Variants in SEMA3G observed in about 807,000 individuals in gnomAD.
The protein encoded by SEMA3G is semaphorin 3G.
Under a neutral mutation model 86.2 loss-of-function variants are expected in SEMA3G, and 70 were observed. The ratio of observed to expected loss-of-function variants is 0.81; its 90% CI spans 0.67 to 0.99. The LOEUF (loss-of-function observed/expected upper bound fraction) is 0.99. Among genes scored for constraint, SEMA3G ranks in the 50% least tolerant of loss-of-function variants. SEMA3G has a pLI of 0.00. For synonymous variants in SEMA3G, 416 were observed against 441.4 expected (o/e 0.94, Z 0.72); for missense variants, 1,002 against 1,072.4 (o/e 0.93, Z 0.92).
Position 52,439,972 on chromosome 3 carries a change from G to T in SEMA3G, c.1270C>A (p.Arg424Ser). The T allele has an allele frequency of 6.2e-7, 1 of 1,613,748 alleles. No individual in the cohort carries two copies. The highest frequency in any genetic ancestry group is 8.5e-7 in the Non-Finnish European group (1 of 1,179,982). The change falls in exon 11 of 16, where the codon CGC becomes AGC. Residue 424 changes from arginine to serine, a missense_variant. By Grantham distance (110) the Arg-to-Ser change is moderately radical (BLOSUM62 -1). Transcript: ENST00000231721. ...AGGTGGGTCTTGACAAGGACAGGGC[G>T]GCCATGTCGAGGCCGCACAGGCCAG... ...MFWPVRPRHG[R>S]PVLVKTHLAQ...
At position 52,442,608 on chromosome 3, in the gene SEMA3G, G is replaced by A. The variant is rs765912415; in HGVS notation, c.290C>T (p.Pro97Leu). 1.5e-5 allele frequency: 25 copies of A among 1,613,968 alleles called. No homozygotes were observed. Among genetic ancestry groups the A allele is most frequent in the South Asian group, 2.2e-5 (2 of 91,082 alleles). The change falls in exon 3 of 16, where the codon CCG (proline) becomes CTG (leucine). Residue 97 changes from proline (P) to leucine (L), a missense_variant. Coordinates refer to ENST00000231721, the MANE Select transcript of SEMA3G (RefSeq NM_020163.3). This position sits in a 1 kb window ranked among gnomAD's most constrained non-coding sequence, Gnocchi z 6.1. ...WPDPREVLWPPQPGQREECVR... is the reference protein window; with the variant it reads ...WPDPREVLWPLQPGQREECVR... The stretch of plus-strand genomic sequence containing the variant: ...ACACTCCTCCCTCTGTCCTGGCTGC[G>A]GTGGCCACAGGACCTGGAACACAGC...
At chr3:52,443,214 A>C (rs1706194010) in intron 1 of SEMA3G, 1 of 496,212 alleles carries the variant, frequency 2.0e-6, no homozygotes, top group Non-Finnish European at 3.6e-6. Flanking sequence ...CCCAGTCCCC[A>C]GGGAAGAAGG....
chr3:52,438,809 T>C lies in SEMA3G; in HGVS notation c.1509+111A>G, dbSNP rs1326044764. The C allele has an allele frequency of 6.8e-5, 105 of 1,536,970 alleles. 1 individual carries two copies. Among genetic ancestry groups the C allele is most frequent in the Non-Finnish European group, 7.4e-5 (84 of 1,140,062 alleles). On this transcript the variant is annotated intron_variant, in intron 13 of 15. Transcript: ENST00000231721. ...CGAATCAGGCCTGCCTCAGCACAGC[T>C]TTCCCCAGACTACAGTGGAGCTCGA...
chr3:52,435,892 G>T lies in SEMA3G; in HGVS notation c.2060C>A (p.Pro687Gln), dbSNP rs370282481. ...SQLDNLFPPE[P>Q]KPEEPPARGG... Reference sequence around the variant, plus strand: ...CCGGGCTGGGGGCTCCTCTGGCTTTGGCTCCGGAGGGAACAGGTTGTCCAG... The same window carrying T: ...CCGGGCTGGGGGCTCCTCTGGCTTTTGCTCCGGAGGGAACAGGTTGTCCAG... The change falls in exon 16 of 16, where the codon CCA becomes CAA. Residue 687 changes from proline to glutamine, a missense_variant. Transcript: ENST00000231721. The T allele has an allele frequency of 1.1e-5, 17 of 1,613,964 alleles. No individual in the cohort carries two copies. The highest frequency in any genetic ancestry group is 4.0e-5 in the African/African-American group (3 of 74,934).
intron 7 of SEMA3G, 25 bp downstream of exon 7, chr3:52,441,239 C>G: frequency 6.2e-7 from 1 of 1,608,074 alleles, no homozygotes; most frequent in Admixed American, 1.7e-5. Flanking sequence ...GGACTTGAAC[C>G]TCACCACCCC....
intron 15 of SEMA3G, among the ~76,000 whole-genome samples, chr3:52,437,239 T>C (rs1706062535): frequency 6.6e-6 from 1 of 152,162 alleles, no homozygotes. Context: ...AGATGAGCCA[T>C]GTGTGTAAAC....
At chr3:52,440,228 C>T (rs1706125185) in intron 10 of SEMA3G, 130 bp from the exon 11 acceptor site, 2 of 1,072,672 alleles carry the variant, frequency 1.9e-6, no homozygotes, top group Non-Finnish European at 2.6e-6. Context: ...CCACTACACC[C>T]ACCCCACCCC....
chr3:52,442,405 G>A lies in SEMA3G; in HGVS notation c.340-101C>T. 3 of 530,082 alleles carry A rather than the reference G, an allele frequency of 5.7e-6. No homozygotes were observed. Among genetic ancestry groups the A allele is most frequent in the South Asian group, 1.5e-5 (1 of 65,284 alleles). The allele number at this position is 530,082 out of a possible 1,614,324, so 32.8% of individuals were successfully genotyped here. ...CTGTCTGGCGGTCAGCTCTGGGGAG[G>A]GGGGTGGGTGTGACATTCCCAGCAG... On this transcript the variant is annotated intron_variant, in intron 3 of 15. Coordinates refer to ENST00000231721, the MANE Select transcript of SEMA3G (RefSeq NM_020163.3). The surrounding 1 kb of genome is among the most constrained non-coding windows in gnomAD (Gnocchi z 6.1).
Position 52,441,046 on chromosome 3 carries a change from A to G in SEMA3G, c.816T>C (p.Asn272=). ...TVSRVGRVCV[N]DAGGQRVLVN... is the part of the protein sequence containing the mutation. ...CCAGCACCCGCTGGCCCCCAGCATCATTCTGCAGGATAAGGGGCCAGAGTC... is the reference window on the plus strand; with the variant it reads ...CCAGCACCCGCTGGCCCCCAGCATCGTTCTGCAGGATAAGGGGCCAGAGTC... The change falls in exon 8 of 16, where the codon AAT becomes AAC. Residue 272 remains asparagine (N), a splice_region_variant and synonymous_variant. Coordinates refer to ENST00000231721, the MANE Select transcript of SEMA3G (RefSeq NM_020163.3). 1.3e-6 allele frequency: 2 copies of G among 1,592,534 alleles called. No individual in the cohort carries two copies. Among genetic ancestry groups the G allele is most frequent in the Non-Finnish European group, 8.5e-7 (1 of 1,175,092 alleles).
intron 1 of SEMA3G, among the ~76,000 whole-genome samples, chr3:52,443,759 A>G (rs1706205936): frequency 6.6e-6 from 1 of 152,198 alleles, no homozygotes; most frequent in Non-Finnish European, 1.5e-5. Context: ...TTTTTCTAGC[A>G]GTCTGACCTC....
rs1017746252 is a variant in SEMA3G, at chr3:52,442,319, A to T, written c.340-15T>A. On this transcript the variant is annotated splice_polypyrimidine_tract_variant and intron_variant, in intron 3 of 15. Transcript: ENST00000231721. The surrounding 1 kb of genome is among the most constrained non-coding windows in gnomAD (Gnocchi z 6.1). The stretch of plus-strand genomic sequence containing the variant: ...GCGCACTCTGTCTGCGGGGAGAAGG[A>T]GGGGGTGGTTGAGGGGTGAGAGGGG... 6.6e-7 allele frequency: 1 copy of T among 1,505,958 alleles called. No homozygotes were observed. Among genetic ancestry groups the T allele is most frequent in the Non-Finnish European group, 8.9e-7 (1 of 1,120,418 alleles). 93.3% of individuals were successfully genotyped at this position (1,505,958 alleles called of 1,614,324 possible).
Position 52,438,167 on chromosome 3 carries a change from C to T in SEMA3G, c.1542G>A (p.Val514=), listed in dbSNP as rs760413561. 1 of 1,613,274 alleles carries T rather than the reference C, an allele frequency of 6.2e-7. No individual in the cohort carries two copies. The highest frequency in any genetic ancestry group is 1.1e-5 in the South Asian group (1 of 91,090). ...CACATTGGTGCAGCCGCAGCTGGGC[C>T]ACACCCAGCCGAGAGCCCACGTATA... is the stretch of plus-strand genomic sequence containing the variant. ...QMLYVGSRLG[V]AQLRLHQCET... The change falls in exon 14 of 16, where the codon GTG becomes GTA. Residue 514 remains valine, a synonymous_variant. Coordinates refer to ENST00000231721, the MANE Select transcript of SEMA3G (RefSeq NM_020163.3).
rs370638529 is a variant in SEMA3G at position 52,441,701 on chromosome 3, G to A, written c.551-11C>T. Reference sequence around the variant, plus strand: ...TGTACAGCTCCCCGTCTGGGGTGGGGGTTGGGGAACAGAGTCAGGGGAGGA... The same window carrying A: ...TGTACAGCTCCCCGTCTGGGGTGGGAGTTGGGGAACAGAGTCAGGGGAGGA... On this transcript the variant is annotated splice_polypyrimidine_tract_variant and intron_variant, in intron 5 of 15. Coordinates refer to ENST00000231721, the MANE Select transcript of SEMA3G (RefSeq NM_020163.3). 3.7e-6 allele frequency: 6 copies of A among 1,610,680 alleles called. No homozygotes were observed. The highest frequency in any genetic ancestry group is 3.3e-5 in the Admixed American group (2 of 60,008).
Position 52,437,651 on chromosome 3 carries a change from A to G in SEMA3G, c.1754T>C (p.Leu585Pro). 6.2e-7 allele frequency: 1 copy of G among 1,611,936 alleles called. No homozygotes were observed. Among genetic ancestry groups the G allele is most frequent in the South Asian group, 1.1e-5 (1 of 91,036 alleles). ...GCCGTAGACCATGGTGGCTGCCACA[A>G]GTCCCACTGCCTCTTCTGGAGAGAG... is the stretch of plus-strand genomic sequence containing the variant. ...GQSQEEEAVG[L>P]VAATMVYGTE... Residue 585 changes from leucine (L) to proline (P), a missense_variant, in exon 15 of 16, where the codon CTT (leucine) becomes CCT (proline). By Grantham distance (98) the Leu-to-Pro change is moderately conservative. Transcript: ENST00000231721.
rs777117791 is a variant in SEMA3G at position 52,437,630 on chromosome 3, T to C, written c.1775A>G (p.Tyr592Cys). The C allele has an allele frequency of 2.5e-6, 4 of 1,612,770 alleles. No individual in the cohort carries two copies. The highest frequency in any genetic ancestry group is 2.5e-6 in the Non-Finnish European group (3 of 1,179,766). ...GAAGGTGCTATTGTGCTCCGTGCCG[T>C]AGACCATGGTGGCTGCCACAAGTCC... ...AVGLVAATMV[Y>C]GTEHNSTFLE... Residue 592 changes from tyrosine to cysteine, a missense_variant, in exon 15 of 16, where the codon TAC becomes TGC. Transcript: ENST00000231721.
At chr3:52,440,628 G>A (rs1442206303) in intron 9 of SEMA3G, 107 bp from the exon 10 acceptor site, 39 of 1,472,014 alleles carry the variant, frequency 2.6e-5, no homozygotes, top group Non-Finnish European at 3.5e-5. Flanking sequence ...GCAGCAAGCA[G>A]AGACTCCGAA....
intron 14 of SEMA3G, 119 bp downstream of exon 14, chr3:52,437,852 G>A (rs767492837): frequency 5.2e-5 from 59 of 1,136,692 alleles, no homozygotes; most frequent in Non-Finnish European, 7.4e-5. Context: ...CACAGAGAGG[G>A]AAACTGAGGA....
In SEMA3G at chr3:52,433,514, G is replaced by A. The variant is rs577382435; in HGVS notation, c.*2089C>T. Reference sequence around the variant, plus strand: ...AAATACAAAAACAACTCGCATTTACGGGGCGTTTCCAGGAGTTAATAGCAT... The same window carrying A: ...AAATACAAAAACAACTCGCATTTACAGGGCGTTTCCAGGAGTTAATAGCAT... On this transcript the variant is annotated 3_prime_UTR_variant, in exon 16 of 16. Coordinates refer to ENST00000231721, the MANE Select transcript of SEMA3G (RefSeq NM_020163.3). The A allele has an allele frequency of 6.5e-6, 1 of 152,738 alleles. No individual in the cohort carries two copies. The highest frequency in any genetic ancestry group is 1.9e-4 in the East Asian group (1 of 5,190). 9.5% of individuals were successfully genotyped at this position (152,738 alleles called of 1,614,324 possible). A position where few individuals can be genotyped will look rare whatever the true frequency, so the allele number is the denominator to read the frequency against.
At chr3:52,443,020 G>T in intron 1 of SEMA3G, 113 bp from the exon 2 acceptor site, 1 of 1,542,740 alleles carries the variant, frequency 6.5e-7, no homozygotes. Flanking sequence ...ACTCACATCT[G>T]GAAAATGTTT....
Sources: gnomAD v4.1 joint callset for allele counts (sites outside exome capture counted in the v4.1 genomes callset) on GRCh38, gnomAD v4.1.1 for gene constraint, Gnocchi (gnomAD v3.1) non-coding constraint, MANE v1.5 for transcripts, NCBI Gene and HGNC (gene_info 2026-07-23, HGNC 2026-07-21) for gene names.